The following COL22A1 variants were observed in gnomAD, a reference collection of about 807,000 sequenced individuals.
COL22A1 encodes collagen type XXII alpha 1 chain.
A neutral mutation model predicts 248.9 loss-of-function variants in COL22A1; 221 were observed. That is an observed-to-expected ratio of 0.89 (90% confidence interval 0.80 to 0.99). The LOEUF (loss-of-function observed/expected upper bound fraction) is 0.99, where lower values mean the gene tolerates loss of function less well. Among genes scored for constraint, COL22A1 ranks in the 50% least tolerant of loss-of-function variants. The pLI is 0.00. For missense variants in COL22A1, 2,240 were observed against 2,179.0 expected, an observed-to-expected ratio of 1.03 and a Z score of -0.56; for synonymous variants, 891 against 793.4, an observed-to-expected ratio of 1.12 and a Z score of -2.07.
At chr8:138,659,339 C>T (rs1232290320) in intron 44 of COL22A1, among the ~76,000 whole-genome samples, 1 of 152,198 alleles carries the variant, frequency 6.6e-6, no homozygotes, top group East Asian at 1.9e-4. Context: ...GGGTCATCCA[C>T]ACCCACAGGG....
chr8:138,651,447 A>C (rs1170479496), intron 45 of COL22A1, among the ~76,000 whole-genome samples: 1 of 152,164 alleles, frequency 6.6e-6, no homozygotes, highest in Non-Finnish European at 1.5e-5. Context: ...CAACCAATTA[A>C]CTGTCCACCT....
intron 55 of COL22A1, 103 bp from the exon 56 acceptor site, chr8:138,614,023 G>A: frequency 2.3e-6 from 2 of 867,904 alleles, no homozygotes; most frequent in Non-Finnish European, 3.9e-6. Context: ...TTACCCAAAG[G>A]AACCAACAAA....
chr8:138,636,381 A>G lies in COL22A1; in HGVS notation c.3555+361T>C, dbSNP rs1821160039. 5.9e-5 allele frequency among the ~76,000 whole-genome samples: 9 copies of G among 151,366 alleles called. 1 individual carries two copies. Among genetic ancestry groups the G allele is most frequent in the Admixed American group, 5.9e-4 (9 of 15,150 alleles). The stretch of plus-strand genomic sequence containing the variant: ...GAGAGCCAGGCAACAGTTAATTGAG[A>G]TGATGGGAGGGAAGAAGGGGGAATT... On this transcript the variant is annotated intron_variant, in intron 48 of 64. Coordinates refer to ENST00000303045, the MANE Select transcript of COL22A1 (RefSeq NM_152888.3).
chr8:138,892,549 G>T (rs369771589), intron 1 of COL22A1, among the ~76,000 whole-genome samples: 3 of 152,058 alleles, frequency 2.0e-5, no homozygotes, highest in African/African-American at 7.3e-5. Flanking sequence ...CTCTCACCCA[G>T]CCCTGAGCTG....
At chr8:138,687,357 G>A (rs553542756) in intron 37 of COL22A1, among the ~76,000 whole-genome samples, 1 of 152,192 alleles carries the variant, frequency 6.6e-6, no homozygotes, top group South Asian at 2.1e-4. Context: ...CTTTTTTTCT[G>A]GGAGACGTGT....
intron 27 of COL22A1, among the ~76,000 whole-genome samples, chr8:138,718,230 C>T (rs192716962): frequency 1.1e-3 from 168 of 152,326 alleles, no homozygotes; most frequent in African/African-American, 3.8e-3. Context: ...TCTAGACACA[C>T]TCCGATGCTC....
intron 12 of COL22A1, among the ~76,000 whole-genome samples, chr8:138,782,791 C>T (rs1252355837): frequency 4.6e-5 from 7 of 152,156 alleles, no homozygotes; most frequent in African/African-American, 9.7e-5. Flanking sequence ...TGGTACTGTC[C>T]GTTCTCCCAG....
rs529782439 is a variant in COL22A1, at chr8:138,804,243, C to G, written c.1495-1309G>C. Reference sequence around the variant, plus strand: ...GCTCTGTGTAGGGACACGGAGCCACCAGGAACCCCAGCCTTTGACTCAGGG... The same window carrying G: ...GCTCTGTGTAGGGACACGGAGCCACGAGGAACCCCAGCCTTTGACTCAGGG... On this transcript the variant is annotated intron_variant, in intron 10 of 64. Coordinates refer to ENST00000303045, the MANE Select transcript of COL22A1 (RefSeq NM_152888.3). Among the ~76,000 whole-genome samples the G allele has an allele frequency of 5.3e-5, 8 of 152,280 alleles. No homozygotes were observed. In the East Asian group the frequency reaches 1.5e-3, roughly 29 times the overall value.
rs1820229249 is a variant in COL22A1 at position 138,626,249 on chromosome 8, A to G, written c.3664-6T>C. On this transcript the variant is annotated splice_polypyrimidine_tract_variant and splice_region_variant and intron_variant, in intron 50 of 64. Transcript: ENST00000303045. Reference sequence around the variant, plus strand: ...CCAGGAGGGCCTTCTTTCCCCTAAAAGATCCAAGACATAAAAACACCATGA... The same window carrying G: ...CCAGGAGGGCCTTCTTTCCCCTAAAGGATCCAAGACATAAAAACACCATGA... 2 of 1,608,254 alleles carry G rather than the reference A, an allele frequency of 1.2e-6. No individual in the cohort carries two copies. Among genetic ancestry groups the G allele is most frequent in the East Asian group, 4.5e-5 (2 of 44,644 alleles).
At chr8:138,854,144 G>A (rs1166402528) in intron 3 of COL22A1, among the ~76,000 whole-genome samples, 2 of 152,136 alleles carry the variant, frequency 1.3e-5, no homozygotes, top group Non-Finnish European at 2.9e-5. Context: ...CAGGACAGAG[G>A]GAATATGCCA....
chr8:138,773,449 G>GT (rs1834562630), intron 16 of COL22A1, among the ~76,000 whole-genome samples: 1 of 152,204 alleles, frequency 6.6e-6, no homozygotes, highest in South Asian at 2.1e-4. Context: ...GGAGTGGGGG[G>GT]TCCCACACCT....
At chr8:138,819,539 T>G (rs1393945158) in intron 7 of COL22A1, among the ~76,000 whole-genome samples, 1 of 149,726 alleles carries the variant, frequency 6.7e-6, no homozygotes, top group African/African-American at 2.4e-5. Context: ...ATTTTATATC[T>G]ATATAATGTA....
chr8:138,725,133 C>T (rs1830198969), intron 24 of COL22A1, among the ~76,000 whole-genome samples: 1 of 152,232 alleles, frequency 6.6e-6, no homozygotes, highest in Non-Finnish European at 1.5e-5. Context: ...GGCTAACATG[C>T]CTTCTACATG....
In COL22A1 at chr8:138,652,013, G is replaced by A. The variant is rs565642331; in HGVS notation, c.3334-2235C>T. Among the ~76,000 whole-genome samples the A allele has an allele frequency of 3.3e-5, 5 of 152,302 alleles. No homozygotes were observed. The South Asian group carries it at 1.0e-3, about 32-fold the overall frequency. The stretch of plus-strand genomic sequence containing the variant: ...CGGAGACCCAGACCTACCTGTGAGG[G>A]AGCTAGACTCAACTCACTGACCCAG... On this transcript the variant is annotated intron_variant, in intron 45 of 64. Transcript: ENST00000303045.
intron 3 of COL22A1, among the ~76,000 whole-genome samples, chr8:138,850,437 G>T (rs559407536): frequency 3.3e-5 from 5 of 152,352 alleles, no homozygotes; most frequent in Admixed American, 6.5e-5. Flanking sequence ...TGGCCCAGGA[G>T]ATCAGGGCCA....
intron 22 of COL22A1, among the ~76,000 whole-genome samples, chr8:138,746,145 G>T (rs1030926555): frequency 1.3e-5 from 2 of 152,184 alleles, no homozygotes; most frequent in Non-Finnish European, 2.9e-5. Flanking sequence ...CTTTGCCGAG[G>T]ATTATCCTGT....
intron 25 of COL22A1, among the ~76,000 whole-genome samples, chr8:138,724,220 A>G (rs1830122255): frequency 6.6e-6 from 1 of 152,224 alleles, no homozygotes; most frequent in Non-Finnish European, 1.5e-5. Context: ...AAACATGATC[A>G]GGATCGTAAT....
intron 41 of COL22A1, among the ~76,000 whole-genome samples, chr8:138,670,350 G>A (rs1644963913): frequency 6.6e-6 from 1 of 152,142 alleles, no homozygotes; most frequent in Non-Finnish European, 1.5e-5. Context: ...TGTGCACTGG[G>A]CAGGGCAAGA....
intron 49 of COL22A1, among the ~76,000 whole-genome samples, chr8:138,633,382 A>G (rs1454860248): frequency 1.3e-5 from 2 of 152,160 alleles, no homozygotes; most frequent in East Asian, 3.9e-4. Context: ...GAGAATAATA[A>G]GCCAGGAGTC....
Sources: allele counts gnomAD v4.1 joint callset (sites outside exome capture counted in the v4.1 genomes callset), GRCh38; gene constraint gnomAD v4.1.1; transcripts MANE v1.5; gene names NCBI Gene and HGNC (gene_info 2026-07-23, HGNC 2026-07-21).